Variants in AFF3 observed in about 807,000 individuals in gnomAD.
AFF3 encodes AF4/FMR2 family member 3.
AFF3 carries 32 observed loss-of-function variants against 129.7 expected under a neutral mutation model. That is an observed-to-expected ratio of 0.25 (90% confidence interval 0.19 to 0.33). AFF3 has a LOEUF of 0.33. Among genes scored for constraint, AFF3 ranks in the 10% least tolerant of loss-of-function variants. AFF3 has a pLI of 1.00. For missense variants in AFF3, 1,373 were observed against 1,592.0 expected (o/e 0.86, Z 2.34); for synonymous variants, 644 against 635.4 (o/e 1.01, Z -0.20).
intron 7 of AFF3, among the ~76,000 whole-genome samples, chr2:99,840,605 CTTCT>C (rs1311726610): frequency 1.3e-5 from 2 of 152,180 alleles, no homozygotes; most frequent in African/African-American, 4.8e-5. Flanking sequence ...CTCATCCTTC[CTTCT>C]GTTTTCCCAA....
At chr2:100,063,144 G>A (rs1047366571) in intron 4 of AFF3, among the ~76,000 whole-genome samples, 9 of 151,830 alleles carry the variant, frequency 5.9e-5, no homozygotes, top group Admixed American at 2.0e-4. Flanking sequence ...CCAGGTACTC[G>A]GGAGGCTGAG....
chr2:100,064,931 A>T (rs1687596956), intron 4 of AFF3, among the ~76,000 whole-genome samples: 1 of 152,268 alleles, frequency 6.6e-6, no homozygotes. Context: ...ACCCAAGGGA[A>T]GGAAAATCCC....
intron 4 of AFF3, among the ~76,000 whole-genome samples, chr2:100,010,007 G>A (rs1682367269): frequency 6.6e-6 from 1 of 152,138 alleles, no homozygotes; most frequent in Non-Finnish European, 1.5e-5. Context: ...CTGGGAGTTG[G>A]CACACTCACC....
At chr2:99,721,654 T>C (rs1678904609) in intron 11 of AFF3, among the ~76,000 whole-genome samples, 1 of 152,264 alleles carries the variant, frequency 6.6e-6, no homozygotes, top group African/African-American at 2.4e-5. Flanking sequence ...CTTCAGTTAA[T>C]TGTATCTGTG....
At chr2:99,671,297 T>C (rs189063857) in intron 12 of AFF3, among the ~76,000 whole-genome samples, 1 of 152,332 alleles carries the variant, frequency 6.6e-6, no homozygotes, top group Non-Finnish European at 1.5e-5. Context: ...GTGTGGCAGA[T>C]ATCTGGCTGC....
At chr2:99,606,266 A>T (rs868319207) in intron 13 of AFF3, among the ~76,000 whole-genome samples, 35 of 152,206 alleles carry the variant, frequency 2.3e-4, no homozygotes, top group South Asian at 6.2e-4. Context: ...CTGTAAAAAA[A>T]ATATATATAT....
At chr2:99,577,367 AG>A (rs1677097682) in intron 18 of AFF3, among the ~76,000 whole-genome samples, 3 of 152,058 alleles carry the variant, frequency 2.0e-5, no homozygotes, top group African/African-American at 7.2e-5. Context: ...ACCCCTTAGG[AG>A]ACGGCATTTA....
intron 11 of AFF3, among the ~76,000 whole-genome samples, chr2:99,682,964 T>TC (rs2104569737): frequency 6.6e-6 from 1 of 152,340 alleles, no homozygotes; most frequent in East Asian, 1.9e-4. Flanking sequence ...TCTGTTATTC[T>TC]TGCATTTATT....
rs115779374 is a variant in AFF3, at chr2:99,943,862, T to A, written c.873+62770A>T. On this transcript the variant is annotated intron_variant, in intron 7 of 24. Transcript: ENST00000672756. ...TGCATGTTTCTCTCAGATGAATATT[T>A]CAGTTAAAACTGAGACTAGTTGATA... Among the ~76,000 whole-genome samples, 943 of 152,290 alleles carry A rather than the reference T, an allele frequency of 6.2e-3. 15 individuals carry two copies. The highest frequency in any genetic ancestry group is 0.021 in the African/African-American group (886 of 41,572).
At chr2:99,597,744 G>A (rs1283916672) in intron 14 of AFF3, among the ~76,000 whole-genome samples, 3 of 152,260 alleles carry the variant, frequency 2.0e-5, no homozygotes, top group South Asian at 2.1e-4. Context: ...ACTGGCATGC[G>A]GCTGGCCACA....
chr2:100,082,679 T>A (rs1292610046), intron 4 of AFF3, among the ~76,000 whole-genome samples: 1 of 152,130 alleles, frequency 6.6e-6, no homozygotes, highest in Non-Finnish European at 1.5e-5. Context: ...AAAAGGGATA[T>A]GTGAAGCTAT....
chr2:99,933,809 T>C (rs760832084), intron 7 of AFF3, among the ~76,000 whole-genome samples: 1 of 152,148 alleles, frequency 6.6e-6, no homozygotes, highest in African/African-American at 2.4e-5. Context: ...TAAACATACA[T>C]GTACATGTGT....
At chr2:100,082,204 T>C (rs1689092414) in intron 4 of AFF3, among the ~76,000 whole-genome samples, 1 of 152,118 alleles carries the variant, frequency 6.6e-6, no homozygotes, top group Non-Finnish European at 1.5e-5. Context: ...AAGTAAACAA[T>C]GTCAGGAAAA....
At chr2:99,876,987 T>C (rs1558938410) in intron 7 of AFF3, among the ~76,000 whole-genome samples, 2 of 152,100 alleles carry the variant, frequency 1.3e-5, no homozygotes, top group East Asian at 1.9e-4. Flanking sequence ...AGAAACTGAA[T>C]TGGAGTGTTG....
At chr2:99,902,318 C>A (rs571474048) in intron 7 of AFF3, among the ~76,000 whole-genome samples, 9 of 152,046 alleles carry the variant, frequency 5.9e-5, no homozygotes, top group African/African-American at 2.2e-4. Context: ...TTTTTATGGA[C>A]AAACTAAGCA....
chr2:99,874,471 T>A (rs1308522888), intron 7 of AFF3, among the ~76,000 whole-genome samples: 2 of 152,228 alleles, frequency 1.3e-5, no homozygotes, highest in Non-Finnish European at 2.9e-5. Context: ...CAAAGGTATC[T>A]GTCCCTTTAG....
intron 7 of AFF3, among the ~76,000 whole-genome samples, chr2:99,879,985 G>A (rs183092859): frequency 3.9e-5 from 6 of 152,292 alleles, no homozygotes; most frequent in Non-Finnish European, 7.3e-5. Context: ...AGATGGTTAC[G>A]TGTTCATTTA....
chr2:99,801,009 C>T (rs891425170), intron 8 of AFF3, among the ~76,000 whole-genome samples: 1 of 152,034 alleles, frequency 6.6e-6, no homozygotes, highest in African/African-American at 2.4e-5. Context: ...ATTATCTTAT[C>T]AAAACAATAA....
At chr2:99,763,514 C>G (rs1243676746) in intron 8 of AFF3, among the ~76,000 whole-genome samples, 1 of 152,120 alleles carries the variant, frequency 6.6e-6, no homozygotes, top group Non-Finnish European at 1.5e-5. Context: ...CACCACTGCA[C>G]TCCAGCCGGG....
Sources: allele counts gnomAD v4.1 joint callset (sites outside exome capture counted in the v4.1 genomes callset), GRCh38; gene constraint gnomAD v4.1.1; transcripts MANE v1.5; gene names NCBI Gene and HGNC (gene_info 2026-07-23, HGNC 2026-07-21).